Variants in PDK3 observed in about 807,000 individuals in gnomAD.
The protein encoded by PDK3 is pyruvate dehydrogenase kinase 3.
A neutral mutation model predicts 32.0 loss-of-function variants in PDK3; 12 were observed. The observed-to-expected ratio is 0.37, with a 90% CI of 0.24 to 0.61. The LOEUF (loss-of-function observed/expected upper bound fraction) is 0.61. PDK3 is among the 20% of genes least tolerant of loss of function. PDK3 has a pLI of 0.65. For missense variants in PDK3, 188 were observed against 316.9 expected (o/e 0.59, Z 3.09); for synonymous variants, 122 against 116.3 (o/e 1.05, Z -0.31).
chrX:24,530,310 A>G (rs752133894), intron 9 of PDK3, among the ~76,000 whole-genome samples: 1 of 111,578 alleles, frequency 9.0e-6, no homozygotes, highest in South Asian at 3.8e-4. Flanking sequence ...TCAAGGAGAG[A>G]TGTTAGAAAA....
exon 12 of PDK3, among the ~76,000 whole-genome samples, chrX:24,540,449 T>G (rs911330579): frequency 8.9e-6 from 1 of 112,270 alleles, no homozygotes; most frequent in African/African-American, 3.2e-5. Flanking sequence ...CCATTCATCC[T>G]GCTTTAGTCA....
chrX:24,496,297 A>ACACACG (rs1491497085), intron 2 of PDK3, among the ~76,000 whole-genome samples: 3 of 28,812 alleles, frequency 1.0e-4, no homozygotes, highest in Non-Finnish European at 1.8e-4. Context: ...CTCTCTGCAT[A>ACACACG]CACACACACA....
intron 1 of PDK3, among the ~76,000 whole-genome samples, chrX:24,471,710 C>T (rs1400816009): frequency 8.9e-6 from 1 of 112,060 alleles, no homozygotes; most frequent in Non-Finnish European, 1.9e-5. Context: ...CGTATAGCTC[C>T]TATTGTTTTT....
At chrX:24,523,175 C>A (rs1031342676) in intron 6 of PDK3, among the ~76,000 whole-genome samples, 2 of 111,549 alleles carry the variant, frequency 1.8e-5, no homozygotes, top group African/African-American at 6.5e-5. Context: ...CTCACTGTTT[C>A]CTTCCATGGG....
intron 1 of PDK3, among the ~76,000 whole-genome samples, chrX:24,492,995 G>A (rs1921607408): frequency 9.7e-6 from 1 of 103,573 alleles, no homozygotes; most frequent in Non-Finnish European, 2.0e-5. Context: ...GCAACACTCC[G>A]TCAAAAAAAA....
exon 12 of PDK3, chrX:24,547,041 C>T (rs1468170891): frequency 1.8e-5 from 2 of 112,316 alleles, no homozygotes; most frequent in Non-Finnish European, 3.8e-5. Context: ...TCAGTTCTCT[C>T]CATCCTTTCC....
intron 1 of PDK3, among the ~76,000 whole-genome samples, chrX:24,489,291 TATATA>T (rs1226928612): frequency 1.8e-5 from 2 of 112,238 alleles, no homozygotes; most frequent in Non-Finnish European, 3.8e-5. Context: ...TTTAAGCTGA[TATATA>T]ATTAAGGTGT....
rs1569221449 is a variant in PDK3 at position 24,494,829 on chromosome X, A to G, written c.194A>G (p.Asn65Ser). 8.3e-7 allele frequency: 1 copy of G among 1,205,655 alleles called. No individual in the cohort carries two copies. Among genetic ancestry groups the G allele is most frequent in the Non-Finnish European group, 1.1e-6 (1 of 890,554 alleles). Residue 65 changes from asparagine (N) to serine (S), a missense_variant, in exon 2 of 11, where the codon AAT becomes AGT. Coordinates refer to ENST00000379162, the MANE Select transcript of PDK3 (RefSeq NM_005391.5). Reference protein sequence around the residue: ...VRLANTMREVNLLPDNLLNRP... With the variant: ...VRLANTMREVSLLPDNLLNRP... ...CTGGCTAACACAATGAGAGAAGTTA[A>G]TCTTCTGCCGGATAATTTACTTAAC...
chrX:24,529,275 T>C (rs1339409615), intron 9 of PDK3, among the ~76,000 whole-genome samples: 1 of 112,114 alleles, frequency 8.9e-6, no homozygotes, highest in Non-Finnish European at 1.9e-5. Flanking sequence ...TGTTATATCA[T>C]AGGTTTTTTT....
chrX:24,490,256 G>T (rs997770), intron 1 of PDK3, among the ~76,000 whole-genome samples: 41,909 of 110,625 alleles, frequency 0.38, 6,052 homozygotes, highest in African/African-American at 0.52. Flanking sequence ...AGGATTACGG[G>T]CGTGAGCCAC....
In PDK3 at chrX:24,526,279, G is replaced by A. The variant is rs187646579; in HGVS notation, c.750+5G>A. ...ATGCTATTTGAGTTGTTCAAGGTAA[G>A]TGGAATTTTAAAAACGTGGAAAGAA... is the stretch of plus-strand genomic sequence containing the variant. On this transcript the variant is annotated splice_donor_5th_base_variant and intron_variant, in intron 7 of 10. Transcript: ENST00000379162. 2.4e-4 allele frequency: 275 copies of A among 1,131,174 alleles called. 2 individuals are homozygous for A. The highest frequency in any genetic ancestry group is 3.5e-5 in the Non-Finnish European group (29 of 826,437). 93.2% of individuals were successfully genotyped at this position (1,131,174 alleles called of 1,213,427 possible).
chrX:24,540,889 C>CTTTTTTTTTTTT (rs369307335), exon 12 of PDK3, among the ~76,000 whole-genome samples: 1 of 36,698 alleles, frequency 2.7e-5, no homozygotes, highest in Non-Finnish European at 4.1e-5. Flanking sequence ...CCCTAGCTTC[C>CTTTTTTTTTTTT]TTTTTTTTTT....
chrX:24,493,921 G>T (rs943129619), intron 1 of PDK3, among the ~76,000 whole-genome samples: 10 of 112,027 alleles, frequency 8.9e-5, no homozygotes, highest in African/African-American at 2.9e-4. Flanking sequence ...AGGCCAGGCT[G>T]ATGCTAGAAC....
At chrX:24,508,978 A>G (rs760900258) in intron 5 of PDK3, among the ~76,000 whole-genome samples, 3 of 111,497 alleles carry the variant, frequency 2.7e-5, no homozygotes, top group South Asian at 3.8e-4. Context: ...TGGCCTCCCA[A>G]AGTGCTGGGA....
chrX:24,486,819 C>G (rs1244479326), intron 1 of PDK3, among the ~76,000 whole-genome samples: 5 of 110,824 alleles, frequency 4.5e-5, no homozygotes, highest in Non-Finnish European at 7.6e-5. Context: ...TTTGTGGAGA[C>G]TGGGTCTCCC....
intron 1 of PDK3, among the ~76,000 whole-genome samples, chrX:24,479,764 G>A (rs1921202382): frequency 9.1e-6 from 1 of 109,955 alleles, no homozygotes; most frequent in Non-Finnish European, 1.9e-5. Flanking sequence ...CAGCTTGGGC[G>A]ATGGAGTGAG....
At chrX:24,536,649 C>G (rs774293988), downstream of PDK3, among the ~76,000 whole-genome samples, 1 of 111,230 alleles carries the variant, frequency 9.0e-6, no homozygotes, top group South Asian at 3.8e-4. Context: ...TTAATTGGCA[C>G]TTATTTTATT....
exon 12 of PDK3, among the ~76,000 whole-genome samples, chrX:24,545,008 T>G (rs916483376): frequency 8.9e-6 from 1 of 112,486 alleles, no homozygotes; most frequent in Non-Finnish European, 1.9e-5. Context: ...TCCTGTCTCA[T>G]TGATTAGAGA....
chrX:24,491,170 C>T (rs915056735), intron 1 of PDK3, among the ~76,000 whole-genome samples: 2 of 108,449 alleles, frequency 1.8e-5, no homozygotes, highest in Admixed American at 9.9e-5. Context: ...AAAAATTAGC[C>T]GGGCATGGTG....
Sources: allele counts gnomAD v4.1 joint callset (sites outside exome capture counted in the v4.1 genomes callset), GRCh38; gene constraint gnomAD v4.1.1; transcripts MANE v1.5; gene names NCBI Gene and HGNC (gene_info 2026-07-23, HGNC 2026-07-21).